ARL10: variants seen among roughly 807,000 people sequenced by gnomAD.
ARL10 encodes the protein ADP-ribosylation factor-like protein 10.
Under a neutral mutation model 26.1 loss-of-function variants are expected in ARL10, and 23 were observed. The observed-to-expected ratio is 0.88, with a 90% CI of 0.63 to 1.25. The LOEUF (loss-of-function observed/expected upper bound fraction) is 1.25, where lower values mean the gene tolerates loss of function less well. ARL10 is among the 50% of genes most tolerant of loss of function. The pLI is 0.00. For missense variants in ARL10, 300 were observed against 323.6 expected (o/e 0.93, Z 0.56); for synonymous variants, 138 against 149.1 (o/e 0.93, Z 0.54).
the ARL10 span, among the ~76,000 whole-genome samples, chr5:176,407,896 A>G: frequency 6.6e-6 from 1 of 152,188 alleles, no homozygotes; most frequent in East Asian, 1.9e-4. Context: ...GTACCAGCCC[A>G]TCCCTCTTAC....
chr5:176,368,064 C>A lies in ARL10; in HGVS notation c.386-743C>A, dbSNP rs1245334271. 3.9e-6 allele frequency: 2 copies of A among 507,898 alleles called. No homozygotes were observed. The highest frequency in any genetic ancestry group is 7.9e-6 in the Non-Finnish European group (2 of 252,448). The allele number at this position is 507,898 out of a possible 1,614,324, so 31.5% of individuals were successfully genotyped here. A position where few individuals can be genotyped will look rare whatever the true frequency, so the allele number is the denominator to read the frequency against. The stretch of plus-strand genomic sequence containing the variant: ...GATTCAGAGGTAAGTGCCTCTGACT[C>A]TCACAGCTTAGAATCCTCAAGTGTC... On this transcript the variant is annotated intron_variant, in intron 2 of 3. Transcript: ENST00000310389. This position sits in a 1 kb window ranked among gnomAD's most constrained non-coding sequence, Gnocchi z 4.1.
chr5:176,386,701 C>G (rs561521177), downstream of ARL10: 4 of 783,694 alleles, frequency 5.1e-6, no homozygotes, highest in East Asian at 9.9e-5. Flanking sequence ...ACAGTCCTAA[C>G]TCTGTGAACT....
At chr5:176,399,601 A>G (rs1158380224) in intron 1 of ARL10, among the ~76,000 whole-genome samples, 1 of 152,032 alleles carries the variant, frequency 6.6e-6, no homozygotes, top group Non-Finnish European at 1.5e-5. Flanking sequence ...TTTTTTAATT[A>G]TGGAAAAAAA....
chr5:176,369,160 C>G, intron 3 of ARL10, 178 bp downstream of exon 3: 1 of 1,534,364 alleles, frequency 6.5e-7, no homozygotes, highest in South Asian at 1.2e-5. Context: ...TCTTTGCCTC[C>G]CTATCATCTC....
rs1053510797 is a variant in ARL10 at position 176,377,614 on chromosome 5, C to A, written c.*5719C>A. 2 of 152,212 alleles carry A rather than the reference C, an allele frequency of 1.3e-5. No homozygotes were observed. Among genetic ancestry groups the A allele is most frequent in the Admixed American group, 6.5e-5 (1 of 15,278 alleles). 9.4% of individuals were successfully genotyped at this position (152,212 alleles called of 1,614,324 possible). ...TCCATCAGGTGTTGGTGGAAATACA[C>A]CACTTGGAGTTTTTATTATCTTCCC... On this transcript the variant is annotated 3_prime_UTR_variant, in exon 4 of 4. Transcript: ENST00000310389. This position sits in a 1 kb window ranked among gnomAD's most constrained non-coding sequence, Gnocchi z 4.5.
At chr5:176,389,043 C>G, downstream of ARL10, 1 of 1,573,424 alleles carries the variant, frequency 6.4e-7, no homozygotes, top group African/African-American at 1.3e-5. Flanking sequence ...TAGAGAAGGA[C>G]CAGAGCGCTA....
downstream of ARL10, chr5:176,384,615 T>C (rs1020110844): frequency 5.5e-6 from 3 of 544,166 alleles, no homozygotes; most frequent in Admixed American, 3.5e-5. Flanking sequence ...AGTGAGACCC[T>C]GTCTCTCCAA....
chr5:176,400,971 G>A (rs1756789594), intron 1 of ARL10, among the ~76,000 whole-genome samples: 1 of 152,180 alleles, frequency 6.6e-6, no homozygotes, highest in African/African-American at 2.4e-5. Flanking sequence ...GGGAAGGGCA[G>A]GCCAGGGCAG....
chr5:176,405,297 T>C (rs1757046015), downstream of ARL10, among the ~76,000 whole-genome samples: 1 of 151,982 alleles, frequency 6.6e-6, no homozygotes. Flanking sequence ...GAGACCAGCC[T>C]GGCCAATATA....
rs13157601 is a variant in ARL10 at position 176,375,346 on chromosome 5, T to G, written c.*3451T>G. On this transcript the variant is annotated 3_prime_UTR_variant, in exon 4 of 4. Transcript: ENST00000310389. Reference sequence around the variant, plus strand: ...CATCCATCCATCCATCATCCACCCATCCATCCATCCATCCATCCATCTGTG... The same window carrying G: ...CATCCATCCATCCATCATCCACCCAGCCATCCATCCATCCATCCATCTGTG... The G allele has an allele frequency of 7.1e-6, 1 of 141,302 alleles. No individual in the cohort carries two copies. The highest frequency in any genetic ancestry group is 2.7e-5 in the African/African-American group (1 of 37,272). The allele number at this position is 141,302 out of a possible 1,614,324, so 8.8% of individuals were successfully genotyped here.
chr5:176,389,811 C>T (rs932332863), downstream of ARL10: 28 of 236,490 alleles, frequency 1.2e-4, no homozygotes, highest in South Asian at 3.3e-4. Flanking sequence ...AGGAAACGGA[C>T]TTTGGAGTGG....
intron 3 of ARL10, 120 bp downstream of exon 3, chr5:176,369,102 C>T (rs1768439961): frequency 2.0e-6 from 3 of 1,537,662 alleles, no homozygotes; most frequent in Non-Finnish European, 1.7e-6. Context: ...GCTGCCCCCA[C>T]CTCTTCTACC....
downstream of ARL10, chr5:176,405,511 AAAAG>A (rs1190910678): frequency 6.6e-6 from 1 of 151,846 alleles, no homozygotes; most frequent in South Asian, 2.1e-4. Flanking sequence ...AAAAAAAAGA[AAAAG>A]AAAAAGAAAA....
rs1221583704 is a variant in ARL10 at position 176,380,526 on chromosome 5, T to G, written c.*8631T>G. On this transcript the variant is annotated 3_prime_UTR_variant, in exon 4 of 4. Transcript: ENST00000310389. The stretch of plus-strand genomic sequence containing the variant: ...TCTTACTCTGTCACCACCCAGGCTG[T>G]AGCGCAATGGCACGATCTCAGCTCA... 2 of 148,632 alleles carry G rather than the reference T, an allele frequency of 1.3e-5. No homozygotes were observed. The highest frequency in any genetic ancestry group is 5.0e-5 in the African/African-American group (2 of 40,198). The allele number at this position is 148,632 out of a possible 1,614,324, so 9.2% of individuals were successfully genotyped here. A position where few individuals can be genotyped will look rare whatever the true frequency, so the allele number is the denominator to read the frequency against.
downstream of ARL10, chr5:176,406,540 A>C (rs898700092): frequency 1.1e-5 from 14 of 1,270,386 alleles, no homozygotes; most frequent in Non-Finnish European, 1.4e-5. Flanking sequence ...TGGGAGTATT[A>C]GGGGAAAGGA....
chr5:176,371,162 G>C (rs1768516674), intron 3 of ARL10, among the ~76,000 whole-genome samples: 1 of 152,172 alleles, frequency 6.6e-6, no homozygotes, highest in South Asian at 2.1e-4. Context: ...ATCACCTGAG[G>C]TCAGGAGTTC....
downstream of ARL10, chr5:176,386,844 C>G (rs1481735208): frequency 2.5e-6 from 4 of 1,613,748 alleles, no homozygotes; most frequent in Admixed American, 6.7e-5. Flanking sequence ...ACCCACCATT[C>G]AGCACATAGG....
chr5:176,391,993 G>A (rs533213023), downstream of ARL10, among the ~76,000 whole-genome samples: 68 of 152,320 alleles, frequency 4.5e-4, no homozygotes, highest in Admixed American at 9.8e-4. Context: ...AGGGGAAGAA[G>A]GTGTGATCAC....
At chr5:176,385,292 CT>C (rs1755751714), downstream of ARL10, 1 of 1,613,042 alleles carries the variant, frequency 6.2e-7, no homozygotes, top group Non-Finnish European at 8.5e-7. Flanking sequence ...AGAGTATTTC[CT>C]TTCTTTTCTG....
Sources: gnomAD v4.1 joint callset for allele counts (sites outside exome capture counted in the v4.1 genomes callset) on GRCh38, gnomAD v4.1.1 for gene constraint, Gnocchi (gnomAD v3.1) non-coding constraint, MANE v1.5 for transcripts, NCBI Gene and HGNC (gene_info 2026-07-23, HGNC 2026-07-21) for gene names.